Variants in ADGRL1 observed in about 807,000 individuals in gnomAD.
ADGRL1 encodes the protein adhesion G protein-coupled receptor L1, also known as CIRL-1.
Under a neutral mutation model 148.9 loss-of-function variants are expected in ADGRL1, and 31 were observed. The observed-to-expected ratio is 0.21, with a 90% confidence interval of 0.16 to 0.28. The LOEUF (loss-of-function observed/expected upper bound fraction) is 0.28, where lower values mean the gene tolerates loss of function less well. Ranked by LOEUF, ADGRL1 falls within the 10% of genes least tolerant of loss-of-function variation. ADGRL1 has a pLI of 1.00. For missense variants in ADGRL1, 1,521 were observed against 2,058.8 expected (o/e 0.74, Z 5.05); for synonymous variants, 937 against 900.3 (o/e 1.04, Z -0.73).
In ADGRL1 at chr19:14,159,378, C is replaced by T. The variant is rs1969106783; in HGVS notation, c.2023+23G>A. ...GGTTTAAGGTTCGTATCTGAGTTTGCCCTGGGTGACTGTGGCACTCACCCA... is the reference window on the plus strand; with the variant it reads ...GGTTTAAGGTTCGTATCTGAGTTTGTCCTGGGTGACTGTGGCACTCACCCA... On this transcript the variant is annotated intron_variant, in intron 10 of 22. Coordinates refer to ENST00000361434, the MANE Select transcript of ADGRL1 (RefSeq NM_014921.5). The surrounding 1 kb of genome is among the most constrained non-coding windows in gnomAD (Gnocchi z 6.0). The T allele has an allele frequency of 6.3e-7, 1 of 1,591,972 alleles. No individual in the cohort carries two copies. The highest frequency in any genetic ancestry group is 2.2e-5 in the East Asian group (1 of 44,510).
Position 14,159,036 on chromosome 19 carries a change from G to T in ADGRL1, c.2149+54C>A. 3 of 1,601,848 alleles carry T rather than the reference G, an allele frequency of 1.9e-6. No homozygotes were observed. Among genetic ancestry groups the T allele is most frequent in the Non-Finnish European group, 2.6e-6 (3 of 1,172,562 alleles). ...GGCACAGAGACGCTGGCACAGAGCTGGGGGGTGGGGGTGGGGCTGCTTCCC... is the reference window on the plus strand; with the variant it reads ...GGCACAGAGACGCTGGCACAGAGCTTGGGGGTGGGGGTGGGGCTGCTTCCC... On this transcript the variant is annotated intron_variant, in intron 11 of 22. Coordinates refer to ENST00000361434, the MANE Select transcript of ADGRL1 (RefSeq NM_014921.5). The surrounding 1 kb of genome is among the most constrained non-coding windows in gnomAD (Gnocchi z 6.0).
Position 14,157,639 on chromosome 19 carries a change from G to A in ADGRL1, c.2536-179C>T, listed in dbSNP as rs935296478. ...CAATGCGCTCACTTCCTCATGCTCT[G>A]GAAGGCTTGTGGAGAGATGACCAAC... is the stretch of plus-strand genomic sequence containing the variant. On this transcript the variant is annotated intron_variant, in intron 13 of 22. Coordinates refer to ENST00000361434, the MANE Select transcript of ADGRL1 (RefSeq NM_014921.5). This position sits in a 1 kb window ranked among gnomAD's most constrained non-coding sequence, Gnocchi z 7.5. 3.3e-5 allele frequency among the ~76,000 whole-genome samples: 5 copies of A among 152,250 alleles called. No individual in the cohort carries two copies. Among genetic ancestry groups the A allele is most frequent in the Non-Finnish European group, 7.3e-5 (5 of 68,040 alleles).
Position 14,160,441 on chromosome 19 carries a change from C to T in ADGRL1, c.1615-144G>A, listed in dbSNP as rs1969240274. ...TCTGCCCCTTCCCACCCCATCTGTC[C>T]CTGCTCCCTTTGTAGGCCAGGGAGG... On this transcript the variant is annotated intron_variant, in intron 7 of 22. Coordinates refer to ENST00000361434, the MANE Select transcript of ADGRL1 (RefSeq NM_014921.5). This position sits in a 1 kb window ranked among gnomAD's most constrained non-coding sequence, Gnocchi z 5.9. The T allele has an allele frequency of 1.1e-6, 1 of 940,388 alleles. No homozygotes were observed. The highest frequency in any genetic ancestry group is 1.7e-5 in the African/African-American group (1 of 60,010). 58.3% of individuals were successfully genotyped at this position (940,388 alleles called of 1,614,324 possible). A position where few individuals can be genotyped will look rare whatever the true frequency, so the allele number is the denominator to read the frequency against.
In ADGRL1 at chr19:14,150,580, CCCTT is replaced by C. The variant is rs1346374814; in HGVS notation, c.*289_*292del. Reference sequence around the variant, plus strand: ...GGGGAGAGTCTGGAAGTGGGCTGCACCCTTCCAAGTTCTCCCTCCTCACTCCCCT... The same window carrying C: ...GGGGAGAGTCTGGAAGTGGGCTGCACCCAAGTTCTCCCTCCTCACTCCCCT... On this transcript the variant is annotated 3_prime_UTR_variant, in exon 23 of 23. Transcript: ENST00000361434. 2.3e-6 allele frequency: 1 copy of C among 442,342 alleles called. No homozygotes were observed. The highest frequency in any genetic ancestry group is 2.1e-5 in the African/African-American group (1 of 48,534). 27.4% of individuals were successfully genotyped at this position (442,342 alleles called of 1,614,324 possible). A position where few individuals can be genotyped will look rare whatever the true frequency, so the allele number is the denominator to read the frequency against.
chr19:14,189,463 C>T (rs1376643972), intron 1 of ADGRL1, among the ~76,000 whole-genome samples: 1 of 152,170 alleles, frequency 6.6e-6, no homozygotes, highest in Non-Finnish European at 1.5e-5. Context: ...CTCCTGGACT[C>T]AAGTGATCTG....
chr19:14,152,293 T>A lies in ADGRL1; in HGVS notation c.3649+16A>T. 6.2e-7 allele frequency: 1 copy of A among 1,602,380 alleles called. No homozygotes were observed. Among genetic ancestry groups the A allele is most frequent in the Non-Finnish European group, 8.5e-7 (1 of 1,172,802 alleles). On this transcript the variant is annotated intron_variant, in intron 21 of 22. Transcript: ENST00000361434. The surrounding 1 kb of genome is among the most constrained non-coding windows in gnomAD (Gnocchi z 6.1). ...CCTCCATTTCCCAACCTGGGATGTT[T>A]CCCCCGTGCTCTCACCTGGGGAGTT...
chr19:14,179,301 T>C (rs1971030836), intron 2 of ADGRL1, among the ~76,000 whole-genome samples: 1 of 151,986 alleles, frequency 6.6e-6, no homozygotes. Context: ...GAGACCATCC[T>C]GGCTAAAACG....
intron 3 of ADGRL1, among the ~76,000 whole-genome samples, chr19:14,172,218 T>C (rs1222712882): frequency 6.6e-6 from 1 of 152,084 alleles, no homozygotes; most frequent in Non-Finnish European, 1.5e-5. Flanking sequence ...TGTCAGAAGT[T>C]TGAAACCAGC....
chr19:14,152,142 G>T lies in ADGRL1; in HGVS notation c.3658C>A (p.Arg1220=). 1.2e-6 allele frequency: 2 copies of T among 1,614,038 alleles called. No homozygotes were observed. Among genetic ancestry groups the T allele is most frequent in the Non-Finnish European group, 1.7e-6 (2 of 1,179,946 alleles). Residue 1220 remains arginine (R), a synonymous_variant, in exon 22 of 23, where the codon CGG becomes AGG. Transcript: ENST00000361434. This position sits in a 1 kb window ranked among gnomAD's most constrained non-coding sequence, Gnocchi z 6.1. Reference sequence around the variant, plus strand: ...GAAGAGTCACACTTACTGGGTTCCCGGTAGCTCCCTGCAGGTGGCAGCCAG... The same window carrying T: ...GAAGAGTCACACTTACTGGGTTCCCTGTAGCTCCCTGCAGGTGGCAGCCAG... The part of the protein sequence containing the change: ...PPVFNSPGSY[R]EPKHPLGGRE...
At chr19:14,183,829 C>T in intron 1 of ADGRL1, 132 bp from the exon 2 acceptor site, 1 of 548,834 alleles carries the variant, frequency 1.8e-6, no homozygotes, top group South Asian at 2.4e-5. Flanking sequence ...TCTGTAGGGC[C>T]CCCTCCGGGG....
chr19:14,164,364 C>A (rs533141208), intron 4 of ADGRL1, among the ~76,000 whole-genome samples: 1 of 151,986 alleles, frequency 6.6e-6, no homozygotes, highest in African/African-American at 2.4e-5. Flanking sequence ...GAGACAAGGG[C>A]GTATGGGGCT....
intron 1 of ADGRL1, among the ~76,000 whole-genome samples, chr19:14,195,389 C>T (rs1165327334): frequency 6.7e-6 from 1 of 149,240 alleles, no homozygotes; most frequent in Non-Finnish European, 1.5e-5. Context: ...GGAGAGGGGG[C>T]GCCTCTAGCC....
intron 12 of ADGRL1, 70 bp downstream of exon 12, chr19:14,158,268 G>A: frequency 1.4e-6 from 2 of 1,480,920 alleles, no homozygotes; most frequent in Non-Finnish European, 1.9e-6. Flanking sequence ...ACATGGAGGG[G>A]CAGGTACACA....
Position 14,152,734 on chromosome 19 carries a change from G to A in ADGRL1, c.3423+50C>T. The A allele has an allele frequency of 6.2e-7, 1 of 1,606,274 alleles. No individual in the cohort carries two copies. The highest frequency in any genetic ancestry group is 1.1e-5 in the South Asian group (1 of 90,538). On this transcript the variant is annotated intron_variant, in intron 19 of 22. Transcript: ENST00000361434. The surrounding 1 kb of genome is among the most constrained non-coding windows in gnomAD (Gnocchi z 6.1). ...AGGCCAAGCCACTCCCCACCTCTCA[G>A]GCTCCAGGTTCCAACACTCAGCCCC...
chr19:14,161,345 G>C lies in ADGRL1; in HGVS notation c.1477C>G (p.Leu493Val), dbSNP rs756813385. 2.5e-5 allele frequency: 39 copies of C among 1,589,772 alleles called. 1 individual carries two copies. The Admixed American group carries it at 6.2e-4, about 25-fold the overall frequency. The change falls in exon 6 of 23, where the codon CTG becomes GTG. Residue 493 changes from leucine to valine, a missense_variant. This residue lies in a region of ADGRL1 where 270 missense variants were observed against 320.4 expected (regional missense o/e 0.84). Transcript: ENST00000361434. The surrounding 1 kb of genome is among the most constrained non-coding windows in gnomAD (Gnocchi z 4.4). ...CCCTTGGGGCAGGGCCTCTCCACCAGCATGCCCTGCTGGGTGGCCGGCCAC... is the reference window on the plus strand; with the variant it reads ...CCCTTGGGGCAGGGCCTCTCCACCACCATGCCCTGCTGGGTGGCCGGCCAC... ...VQWPATQQGMLVERPCPKGTR... is the reference protein window; with the variant it reads ...VQWPATQQGMVVERPCPKGTR...
intron 2 of ADGRL1, 55 bp downstream of exon 2, chr19:14,183,476 GCC>G (rs61051191): frequency 2.9e-5 from 42 of 1,424,410 alleles, no homozygotes; most frequent in South Asian, 2.5e-4. Flanking sequence ...CATTTTATCT[GCC>G]CCCCCCAGAA....
At chr19:14,174,958 C>A (rs766396867) in intron 3 of ADGRL1, among the ~76,000 whole-genome samples, 1 of 151,154 alleles carries the variant, frequency 6.6e-6, no homozygotes. Flanking sequence ...CCTCCTGCAT[C>A]GGTCATCTGA....
In ADGRL1 at chr19:14,162,762, C is replaced by T; in HGVS notation, c.1039G>A (p.Ala347Thr). 1 of 1,614,152 alleles carries T rather than the reference C, an allele frequency of 6.2e-7. No homozygotes were observed. ...AGGCTGACAGGCTCCTCGCGGTTGG[C>T]ATTGGTGTTGAAGGCATAGTCCACG... The part of the protein sequence containing the change: ...NRVDYAFNTN[A>T]NREEPVSLTF... Residue 347 changes from alanine to threonine, a missense_variant, in exon 5 of 23, where the codon GCC (alanine) becomes ACC (threonine). Physicochemically the swap from Ala to Thr is moderately conservative, Grantham distance 58 (BLOSUM62 0). This residue lies in a region of ADGRL1 where 270 missense variants were observed against 320.4 expected (regional missense o/e 0.84). Transcript: ENST00000361434. The surrounding 1 kb of genome is among the most constrained non-coding windows in gnomAD (Gnocchi z 5.4).
In ADGRL1 at chr19:14,159,635, C is replaced by G. The variant is rs750346650; in HGVS notation, c.1840-51G>C. ...GTGAGCCCCCCAACACCCTCTAATT[C>G]CTGGGGGTGGGCTCTGCATGCCCTC... On this transcript the variant is annotated intron_variant, in intron 9 of 22. Transcript: ENST00000361434. This position sits in a 1 kb window ranked among gnomAD's most constrained non-coding sequence, Gnocchi z 6.0. 6.3e-7 allele frequency: 1 copy of G among 1,590,570 alleles called. No individual in the cohort carries two copies. The highest frequency in any genetic ancestry group is 2.2e-5 in the East Asian group (1 of 44,500).
Sources: allele counts gnomAD v4.1 joint callset (sites outside exome capture counted in the v4.1 genomes callset), GRCh38; gene constraint gnomAD v4.1.1; regional missense constraint gnomAD v4.1.1; non-coding constraint Gnocchi (gnomAD v3.1); transcripts MANE v1.5; gene names NCBI Gene and HGNC (gene_info 2026-07-23, HGNC 2026-07-21).